Variants in NAPSA observed in about 807,000 individuals in gnomAD.
NAPSA encodes napsin A aspartic peptidase.
Under a neutral mutation model 36.7 loss-of-function variants are expected in NAPSA, and 37 were observed. That is an observed-to-expected ratio of 1.01 (90% CI 0.78 to 1.33). The LOEUF (loss-of-function observed/expected upper bound fraction) is 1.33, where lower values mean the gene tolerates loss of function less well. Among genes scored for constraint, NAPSA ranks in the 40% most tolerant of loss-of-function variants. NAPSA has a pLI of 0.00. For missense variants in NAPSA, 532 were observed against 543.8 expected, an observed-to-expected ratio of 0.98 and a Z score of 0.21; for synonymous variants, 222 against 234.5, an observed-to-expected ratio of 0.95 and a Z score of 0.49.
At chr19:50,367,498 T>G (rs75992207), upstream of NAPSA, among the ~76,000 whole-genome samples, 1 of 152,134 alleles carries the variant, frequency 6.6e-6, no homozygotes, top group Non-Finnish European at 1.5e-5. Flanking sequence ...AGGCAGAGAC[T>G]CTTGCTCTCT....
chr19:50,364,597 A>G (rs926743001), intron 1 of NAPSA, among the ~76,000 whole-genome samples: 1 of 141,720 alleles, frequency 7.1e-6, no homozygotes, highest in African/African-American at 2.7e-5. Flanking sequence ...CCTGGGCAAC[A>G]GAGTGAGACT....
At position 50,361,023 on chromosome 19, in the gene NAPSA, C is replaced by T; in HGVS notation, c.586G>A (p.Val196Met). 1 of 1,614,146 alleles carries T rather than the reference C, an allele frequency of 6.2e-7. No homozygotes were observed. The highest frequency in any genetic ancestry group is 8.5e-7 in the Non-Finnish European group (1 of 1,180,030). Residue 196 changes from valine (V) to methionine (M), a missense_variant, in exon 5 of 9, where the codon GTG becomes ATG. Val to Met is a conservative substitution (Grantham distance 21). Coordinates refer to ENST00000253719, the MANE Select transcript of NAPSA (RefSeq NM_004851.3). The stretch of plus-strand genomic sequence containing the variant: ...TCCATCGGGGGCCGAACTCCTTCCA[C>T]AGACAGAATGGGAAAACCGAGGCCC... ...ILGLGFPILS[V>M]EGVRPPMDVL...
upstream of NAPSA, among the ~76,000 whole-genome samples, chr19:50,367,201 C>T (rs897550049): frequency 6.6e-6 from 1 of 152,148 alleles, no homozygotes; most frequent in Non-Finnish European, 1.5e-5. Context: ...AAACTCCTGA[C>T]CTCAGGTGAT....
At position 50,358,549 on chromosome 19, in the gene NAPSA, G is replaced by C. The variant is rs967116872; in HGVS notation, c.*4C>G. 6.3e-7 allele frequency: 1 copy of C among 1,582,724 alleles called. No homozygotes were observed. Among genetic ancestry groups the C allele is most frequent in the African/African-American group, 1.4e-5 (1 of 73,970 alleles). ...ACCCGCTGCGCATGCGCTTCACTTG[G>C]GCGTCACCCGGGGAACTGCGCCTGC... is the stretch of plus-strand genomic sequence containing the variant. On this transcript the variant is annotated 3_prime_UTR_variant, in exon 9 of 9. Transcript: ENST00000253719.
In NAPSA at chr19:50,358,593, A is replaced by C. The variant is rs886100759; in HGVS notation, c.1223T>G (p.Leu408Arg). 4.3e-6 allele frequency: 7 copies of C among 1,611,100 alleles called. No individual in the cohort carries two copies. Among genetic ancestry groups the C allele is most frequent in the Non-Finnish European group, 5.1e-6 (6 of 1,179,200 alleles). ...CGCCTGCGCAGTCTCTCCCCATCCG[A>C]GGTCCGCTCCGCGAGTGCGAGCGCG... ...LARARTRGAD[L>R]GWGETAQAQF... is the part of the protein sequence containing the mutation. The change falls in exon 9 of 9, where the codon CTC becomes CGC. Residue 408 changes from leucine (L) to arginine (R), a missense_variant. By Grantham distance (102) the Leu-to-Arg change is moderately radical. Around this residue, in one of 3 missense-constraint regions of NAPSA, gnomAD observed 385 missense variants for 371.5 expected, o/e 1.04. Transcript: ENST00000253719.
intron 7 of NAPSA, 87 bp from the exon 8 acceptor site, chr19:50,359,196 C>A: frequency 8.4e-7 from 1 of 1,192,996 alleles, no homozygotes; most frequent in South Asian, 1.3e-5. Context: ...AGGGTAATTT[C>A]CCTATTGAGC....
intron 1 of NAPSA, chr19:50,362,692 A>T (rs2037493675): frequency 6.2e-6 from 1 of 160,730 alleles, no homozygotes; most frequent in Non-Finnish European, 1.3e-5. Flanking sequence ...TATTTTCCCC[A>T]CCCTTGAGGA....
chr19:50,361,973 G>C lies in NAPSA; in HGVS notation c.345C>G (p.Pro115=), dbSNP rs746431183. ...TTCTCCCACATAGAAGCTCACAGCAGGGCACACTGAAGAAGTGGCATCTCC... is the reference window on the plus strand; with the variant it reads ...TTCTCCCACATAGAAGCTCACAGCACGGCACACTGAAGAAGTGGCATCTCC... ...PSRRCHFFSV[P]CWLHHRFDPK... is the part of the protein sequence containing the mutation. The change falls in exon 3 of 9, where the codon CCC becomes CCG. Residue 115 remains proline, a synonymous_variant. Transcript: ENST00000253719. 2.5e-6 allele frequency: 4 copies of C among 1,595,284 alleles called. No homozygotes were observed. In the Admixed American group the frequency reaches 7.1e-5, roughly 28 times the overall value.
chr19:50,364,169 A>T (rs139492482), intron 1 of NAPSA, among the ~76,000 whole-genome samples: 1,569 of 151,718 alleles, frequency 0.01, 16 homozygotes, highest in Middle Eastern at 0.024. Context: ...GATACAAAAA[A>T]AATTAGCCGG....
At chr19:50,359,218 C>A in intron 7 of NAPSA, 109 bp from the exon 8 acceptor site, 1 of 1,024,346 alleles carries the variant, frequency 9.8e-7, no homozygotes. Flanking sequence ...CCTGGGTACT[C>A]AGCGTCCTGT....
chr19:50,359,786 AGGTGAGG>A lies in NAPSA; in HGVS notation c.738_744del (p.Leu247SerfsTer17). The A allele has an allele frequency of 6.2e-7, 1 of 1,614,208 alleles. No individual in the cohort carries two copies. The highest frequency in any genetic ancestry group is 1.6e-4 in the Middle Eastern group (1 of 6,062). ...TAGGCAGGGACCGTGACTGGCACGA[AGGTGAGG>A]GGTGGGATGTAGTGTGCCGGGTCCG... is the stretch of plus-strand genomic sequence containing the variant. On this transcript the variant is annotated frameshift_variant, in exon 6 of 9. Coordinates refer to ENST00000253719, the MANE Select transcript of NAPSA (RefSeq NM_004851.3). LOFTEE classifies it high-confidence loss of function.
rs746139395 is a variant in NAPSA at position 50,358,556 on chromosome 19, C to T, written c.1260G>A (p.Gly420=). Reference sequence around the variant, plus strand: ...GCGCATGCGCTTCACTTGGGCGTCACCCGGGGAACTGCGCCTGCGCAGTCT... The same window carrying T: ...GCGCATGCGCTTCACTTGGGCGTCATCCGGGGAACTGCGCCTGCGCAGTCT... ...WGETAQAQFP[G] is the part of the protein sequence containing the mutation. Residue 420 remains glycine (G), a synonymous_variant, in exon 9 of 9, where the codon GGG becomes GGA. Transcript: ENST00000253719. 15 of 1,591,334 alleles carry T rather than the reference C, an allele frequency of 9.4e-6. No individual in the cohort carries two copies. Among genetic ancestry groups the T allele is most frequent in the East Asian group, 2.3e-5 (1 of 43,974 alleles).
At chr19:50,359,199 T>C in intron 7 of NAPSA, 90 bp from the exon 8 acceptor site, 1 of 1,182,556 alleles carries the variant, frequency 8.5e-7, no homozygotes, top group Non-Finnish European at 1.2e-6. Context: ...GTAATTTCCC[T>C]ATTGAGCACC....
intron 4 of NAPSA, 63 bp downstream of exon 4, chr19:50,361,600 A>C: frequency 7.1e-7 from 1 of 1,413,544 alleles, no homozygotes; most frequent in South Asian, 1.2e-5. Context: ...TTCCTAAGCC[A>C]GATGATCTTA....
intron 5 of NAPSA, 56 bp from the exon 6 acceptor site, chr19:50,359,918 C>A: frequency 6.4e-7 from 1 of 1,570,772 alleles, no homozygotes; most frequent in Non-Finnish European, 8.7e-7. Context: ...CCTCCCTCAG[C>A]CCTAGGTATT....
In NAPSA at chr19:50,361,412, A is replaced by G; in HGVS notation, c.468+251T>C. ...CCAGGAAGCTCCTCCTCCCTGCTTG[A>G]GAAGCCCCACCTCTTAACCTTGGAA... is the stretch of plus-strand genomic sequence containing the variant. On this transcript the variant is annotated intron_variant, in intron 4 of 8. Coordinates refer to ENST00000253719, the MANE Select transcript of NAPSA (RefSeq NM_004851.3). 4 of 579,174 alleles carry G rather than the reference A, an allele frequency of 6.9e-6. No homozygotes were observed. In the Admixed American group the frequency reaches 1.3e-4, roughly 18 times the overall value. 35.9% of individuals were successfully genotyped at this position (579,174 alleles called of 1,614,324 possible).
upstream of NAPSA, among the ~76,000 whole-genome samples, chr19:50,367,119 C>T (rs192557527): frequency 7.0e-4 from 106 of 152,004 alleles, no homozygotes; most frequent in Admixed American, 4.9e-3. Flanking sequence ...GCCACCGCAC[C>T]CAGCCTACAC....
rs201766768 is a variant in NAPSA at position 50,361,164 on chromosome 19, C to T, written c.469-24G>A. On this transcript the variant is annotated intron_variant, in intron 4 of 8. Coordinates refer to ENST00000253719, the MANE Select transcript of NAPSA (RefSeq NM_004851.3). ...ATCTAGGGGTAGATTGAGATGTGAC[C>T]AGTTACTTTTGGGAGGACAATAACC... The T allele has an allele frequency of 6.2e-6, 10 of 1,603,040 alleles. No homozygotes were observed. In the Admixed American group the frequency reaches 6.7e-5, roughly 11 times the overall value.
chr19:50,358,780 T>A lies in NAPSA; in HGVS notation c.1036A>T (p.Thr346Ser). The A allele has an allele frequency of 1.9e-6, 3 of 1,606,968 alleles. No individual in the cohort carries two copies. The highest frequency in any genetic ancestry group is 2.5e-6 in the Non-Finnish European group (3 of 1,177,190). The change falls in exon 9 of 9, where the codon ACT becomes TCT. Residue 346 changes from threonine (T) to serine (S), a missense_variant and splice_region_variant. Transcript: ENST00000253719. ...CAGAGGCGGACGCCATTTCGAGTAGTCTGCAAGGCAACAAGACGACAACTG... is the reference window on the plus strand; with the variant it reads ...CAGAGGCGGACGCCATTTCGAGTAGACTGCAAGGCAACAAGACGACAACTG... ...NLTAHDYVIQ[T>S]TRNGVRLCLS...
Sources: allele counts gnomAD v4.1 joint callset (sites outside exome capture counted in the v4.1 genomes callset), GRCh38; gene constraint gnomAD v4.1.1; regional missense constraint gnomAD v4.1.1; transcripts MANE v1.5; gene names NCBI Gene and HGNC (gene_info 2026-07-23, HGNC 2026-07-21).